Variants in MGST1 observed in about 807,000 individuals in gnomAD.
MGST1 encodes the protein microsomal glutathione S-transferase 1.
In MGST1, 5 loss-of-function variants were observed where a neutral mutation model predicts 8.9. That is an observed-to-expected ratio of 0.56 (90% CI 0.29 to 1.19). The LOEUF is 1.19. Among genes scored for constraint, MGST1 ranks in the 50% most tolerant of loss-of-function variants. The pLI is 0.08. For synonymous variants in MGST1, 54 were observed against 67.8 expected, an observed-to-expected ratio of 0.80 and a Z score of 1.00; for missense variants, 182 against 187.4, an observed-to-expected ratio of 0.97 and a Z score of 0.17.
intron 4 of MGST1, among the ~76,000 whole-genome samples, chr12:16,471,264 G>A (rs1036804598): frequency 1.2e-4 from 18 of 152,162 alleles, no homozygotes; most frequent in Non-Finnish European, 2.2e-4. Flanking sequence ...TCCGGCAGTG[G>A]CCAACATTGA....
intron 4 of MGST1, among the ~76,000 whole-genome samples, chr12:16,502,121 A>G (rs1297696159): frequency 6.6e-6 from 1 of 152,220 alleles, no homozygotes; most frequent in Non-Finnish European, 1.5e-5. Context: ...TCCAAGGTAC[A>G]AAAATAATTA....
intron 4 of MGST1, among the ~76,000 whole-genome samples, chr12:16,475,042 A>C (rs934473175): frequency 2.0e-5 from 3 of 152,178 alleles, no homozygotes; most frequent in African/African-American, 7.2e-5. Flanking sequence ...AACTCAGGGA[A>C]GCTTGGCATT....
chr12:16,535,511 A>T (rs527927172), intron 4 of MGST1, among the ~76,000 whole-genome samples: 9 of 152,244 alleles, frequency 5.9e-5, no homozygotes, highest in Non-Finnish European at 8.8e-5. Context: ...TGCTTGCGAC[A>T]AAAACAGAGA....
chr12:16,474,731 G>A (rs2137138115), intron 4 of MGST1, among the ~76,000 whole-genome samples: 1 of 152,264 alleles, frequency 6.6e-6, no homozygotes, highest in South Asian at 2.1e-4. Context: ...TTTTGAACGA[G>A]AGCAATAACA....
At chr12:16,496,242 C>T (rs948186740) in intron 4 of MGST1, among the ~76,000 whole-genome samples, 1 of 151,700 alleles carries the variant, frequency 6.6e-6, no homozygotes, top group African/African-American at 2.4e-5. Flanking sequence ...GAATTGGAGG[C>T]AATCGAAGTG....
chr12:16,567,843 C>A (rs1942670537), intron 4 of MGST1, among the ~76,000 whole-genome samples: 1 of 152,130 alleles, frequency 6.6e-6, no homozygotes, highest in South Asian at 2.1e-4. Context: ...CAGAACACCA[C>A]CAGGCAGCAG....
At chr12:16,514,378 C>A in intron 4 of MGST1, 1 of 280,632 alleles carries the variant, frequency 3.6e-6, no homozygotes, top group Non-Finnish European at 7.2e-6. Context: ...CTGAATGCTC[C>A]AGATTTGTGA....
intron 1 of MGST1, among the ~76,000 whole-genome samples, chr12:16,392,695 A>T (rs1012684216): frequency 2.6e-5 from 4 of 152,148 alleles, no homozygotes; most frequent in Non-Finnish European, 5.9e-5. Context: ...TCATTTTGGA[A>T]TACGGCCAAG....
At chr12:16,439,458 A>T (rs1166323694), downstream of MGST1, among the ~76,000 whole-genome samples, 2 of 151,830 alleles carry the variant, frequency 1.3e-5, no homozygotes, top group Non-Finnish European at 2.9e-5. Context: ...AGATTGCTTG[A>T]AAATTCTACC....
Position 16,497,304 on chromosome 12 carries a change from T to C in MGST1, n.483-92224T>C, listed in dbSNP as rs201728563. 6.6e-6 allele frequency among the ~76,000 whole-genome samples: 1 copy of C among 151,956 alleles called. No individual in the cohort carries two copies. Among genetic ancestry groups the C allele is most frequent in the East Asian group, 1.9e-4 (1 of 5,174 alleles). On this transcript the variant is annotated intron_variant and non_coding_transcript_variant, in intron 4 of 4. Coordinates refer to the MGST1 transcript ENST00000538857. The surrounding 1 kb of genome is among the most constrained non-coding windows in gnomAD (Gnocchi z 4.4). Reference sequence around the variant, plus strand: ...AGAAACAGAAGACTCATGGAACAAATAATAGTTCTTTTTAATCATGGAAAT... The same window carrying C: ...AGAAACAGAAGACTCATGGAACAAACAATAGTTCTTTTTAATCATGGAAAT...
At chr12:16,568,352 G>A (rs1431641015) in intron 4 of MGST1, among the ~76,000 whole-genome samples, 2 of 152,166 alleles carry the variant, frequency 1.3e-5, no homozygotes, top group African/African-American at 4.8e-5. Flanking sequence ...ATAGAAAACA[G>A]AAAAGCAATA....
At chr12:16,414,148 T>A (rs1940765276) in intron 1 of MGST1, among the ~76,000 whole-genome samples, 1 of 151,858 alleles carries the variant, frequency 6.6e-6, no homozygotes, top group Non-Finnish European at 1.5e-5. Context: ...AGGTCCCCCC[T>A]AGCTTTCATG....
intron 4 of MGST1, among the ~76,000 whole-genome samples, chr12:16,581,559 T>A (rs1943160232): frequency 6.6e-6 from 1 of 152,220 alleles, no homozygotes; most frequent in Non-Finnish European, 1.5e-5. Flanking sequence ...GAGTAAATCC[T>A]CAAGAAATAT....
At chr12:16,581,303 C>T (rs1054780362) in intron 4 of MGST1, among the ~76,000 whole-genome samples, 2 of 152,092 alleles carry the variant, frequency 1.3e-5, no homozygotes, top group Non-Finnish European at 1.5e-5. Context: ...ATCACTTGCA[C>T]CTTGGGAACT....
chr12:16,505,595 G>T (rs554434344), intron 4 of MGST1, among the ~76,000 whole-genome samples: 2 of 152,092 alleles, frequency 1.3e-5, no homozygotes, highest in African/African-American at 4.8e-5. Flanking sequence ...CAATTTCATG[G>T]AATCATTTCC....
In MGST1 at chr12:16,424,818, C is replaced by T. The variant is rs755049867; in HGVS notation, n.779-12570C>T. On this transcript the variant is annotated intron_variant and non_coding_transcript_variant, in intron 1 of 1. Transcript: ENST00000359720. ...AGAGTCATCCCTCAGACTTGGGAAA[C>T]GGGATATATTTTTGTCTCCTCTGTT... Among the ~76,000 whole-genome samples, 19 of 152,106 alleles carry T rather than the reference C, an allele frequency of 1.2e-4. 1 individual carries two copies. The highest frequency in any genetic ancestry group is 7.9e-4 in the Admixed American group (12 of 15,270).
rs886464589 is a variant in MGST1, at chr12:16,391,216, A to G, written n.778+7612A>G. ...GAGCAGGTTTGTTATGTAGGTATAC[A>G]TGTACCACGGTGGTTTGCTGCAGCT... is the stretch of plus-strand genomic sequence containing the variant. On this transcript the variant is annotated intron_variant and non_coding_transcript_variant, in intron 1 of 1. Coordinates refer to the MGST1 transcript ENST00000359720. Among the ~76,000 whole-genome samples, 5 of 150,528 alleles carry G rather than the reference A, an allele frequency of 3.3e-5. 1 individual carries two copies. In the Admixed American group the frequency reaches 3.3e-4, roughly 10 times the overall value.
downstream of MGST1, among the ~76,000 whole-genome samples, chr12:16,378,613 T>C (rs1940417064): frequency 6.6e-6 from 1 of 150,946 alleles, no homozygotes; most frequent in South Asian, 2.1e-4. Context: ...TGGCTTAGGA[T>C]TGACTTGGCG....
chr12:16,386,721 T>G (rs1230680142), intron 1 of MGST1, among the ~76,000 whole-genome samples: 1 of 152,198 alleles, frequency 6.6e-6, no homozygotes, highest in African/African-American at 2.4e-5. Context: ...AGTTTTCCTT[T>G]CTGCAATTTC....
Sources: allele counts gnomAD v4.1 joint callset (sites outside exome capture counted in the v4.1 genomes callset), GRCh38; gene constraint gnomAD v4.1.1; non-coding constraint Gnocchi (gnomAD v3.1); transcripts MANE v1.5; gene names NCBI Gene and HGNC (gene_info 2026-07-23, HGNC 2026-07-21).